The following NPLOC4 variants were observed in gnomAD, a reference collection of about 807,000 sequenced individuals.
NPLOC4 encodes the protein NPL4 homolog, ubiquitin recognition factor, also known as nuclear protein localization protein 4 homolog.
NPLOC4 carries 18 observed loss-of-function variants against 80.6 expected under a neutral mutation model. The observed-to-expected ratio is 0.22, with a 90% CI of 0.15 to 0.33. The LOEUF (loss-of-function observed/expected upper bound fraction) is 0.33, where lower values mean the gene tolerates loss of function less well. Among genes scored for constraint, NPLOC4 ranks in the 10% least tolerant of loss-of-function variants. The probability of loss-of-function intolerance (pLI) is 1.00; values close to 1 mark genes in which losing one functional copy is unlikely to be tolerated. For synonymous variants in NPLOC4, 313 were observed against 301.5 expected (o/e 1.04, Z -0.39); for missense variants, 540 against 786.1 (o/e 0.69, Z 3.74).
chr17:81,575,333 C>G (rs950968727), intron 12 of NPLOC4, among the ~76,000 whole-genome samples: 1 of 152,202 alleles, frequency 6.6e-6, no homozygotes, highest in African/African-American at 2.4e-5. Context: ...GATCTCCTGA[C>G]CTCATGATCC....
chr17:81,614,775 G>T lies in NPLOC4; in HGVS notation c.210-1281C>A, dbSNP rs569031811. On this transcript the variant is annotated intron_variant, in intron 3 of 16. Coordinates refer to ENST00000331134, the MANE Select transcript of NPLOC4 (RefSeq NM_017921.4). ...TCTCCACTCACAGTCCACAGAAGCC[G>T]CCTGGGGTCCCAAGTGACCAGAGAT... Among the ~76,000 whole-genome samples the T allele has an allele frequency of 5.9e-5, 9 of 152,290 alleles. No individual in the cohort carries two copies. In the South Asian group the frequency reaches 1.0e-3, roughly 18 times the overall value.
Position 81,610,966 on chromosome 17 carries a change from A to G in NPLOC4, c.387-708T>C, listed in dbSNP as rs2144244636. 5.8e-5 allele frequency among the ~76,000 whole-genome samples: 2 copies of G among 34,568 alleles called. 1 individual carries two copies. The highest frequency in any genetic ancestry group is 6.5e-4 in the East Asian group (2 of 3,094). 22.7% of individuals were successfully genotyped at this position (34,568 alleles called of 152,430 possible). A position where few individuals can be genotyped will look rare whatever the true frequency, so the allele number is the denominator to read the frequency against. ...AGAGCGAGACTCCGTCTCAAAAAAAAAAAAAAAAAAAAAAATGACACAAAC... is the reference window on the plus strand; with the variant it reads ...AGAGCGAGACTCCGTCTCAAAAAAAGAAAAAAAAAAAAAAATGACACAAAC... On this transcript the variant is annotated intron_variant, in intron 4 of 16. Coordinates refer to ENST00000331134, the MANE Select transcript of NPLOC4 (RefSeq NM_017921.4).
chr17:81,588,313 T>G (rs1197162367), intron 12 of NPLOC4: 1 of 152,198 alleles, frequency 6.6e-6, no homozygotes, highest in Non-Finnish European at 1.5e-5. Context: ...TAGCTGCAAT[T>G]GGCAGGATTC....
At chr17:81,626,271 G>A (rs765223607) in intron 2 of NPLOC4, among the ~76,000 whole-genome samples, 79 of 150,460 alleles carry the variant, frequency 5.3e-4, no homozygotes, top group Admixed American at 6.0e-4. Context: ...AGCCAAGATC[G>A]CGCCACTGCA....
chr17:81,616,769 G>C (rs2035504801), intron 3 of NPLOC4, among the ~76,000 whole-genome samples: 1 of 151,910 alleles, frequency 6.6e-6, no homozygotes, highest in African/African-American at 2.4e-5. Flanking sequence ...ACGCAAGTAA[G>C]AGTGGGCAGA....
chr17:81,600,866 C>G (rs1443372592), intron 8 of NPLOC4, among the ~76,000 whole-genome samples: 1 of 152,178 alleles, frequency 6.6e-6, no homozygotes, highest in Non-Finnish European at 1.5e-5. Flanking sequence ...CACAAAACAG[C>G]CTTGGAAAAT....
intron 3 of NPLOC4, among the ~76,000 whole-genome samples, chr17:81,620,731 G>A (rs2035641306): frequency 6.6e-6 from 1 of 152,210 alleles, no homozygotes; most frequent in African/African-American, 2.4e-5. Context: ...AGGAGGGCAA[G>A]AGCAGCGGGA....
chr17:81,586,119 G>T lies in NPLOC4; in HGVS notation c.1281+2825C>A, dbSNP rs552796367. ...GCCCAACGGGGTAGGAGGGAGGAAG[G>T]GGAGGCAGGGGCCTGAATCCAAACC... is the stretch of plus-strand genomic sequence containing the variant. On this transcript the variant is annotated intron_variant, in intron 12 of 16. Coordinates refer to ENST00000331134, the MANE Select transcript of NPLOC4 (RefSeq NM_017921.4). 2.2e-3 allele frequency among the ~76,000 whole-genome samples: 338 copies of T among 152,256 alleles called. 5 individuals are homozygous for T. Among genetic ancestry groups the T allele is most frequent in the Non-Finnish European group, 5.0e-4 (34 of 68,016 alleles).
In NPLOC4 at chr17:81,557,896, A is replaced by C. The variant is rs1458170402; in HGVS notation, c.*1363T>G. 1 of 152,294 alleles carries C rather than the reference A, an allele frequency of 6.6e-6. No homozygotes were observed. Among genetic ancestry groups the C allele is most frequent in the Non-Finnish European group, 1.5e-5 (1 of 68,106 alleles). The allele number at this position is 152,294 out of a possible 1,614,324, so 9.4% of individuals were successfully genotyped here. ...CAGCCATGGCCCTGACCACTTCAGA[A>C]GCCAACAGGCAAATGTTCTCTGTTC... On this transcript the variant is annotated 3_prime_UTR_variant, in exon 17 of 17. Coordinates refer to ENST00000331134, the MANE Select transcript of NPLOC4 (RefSeq NM_017921.4).
chr17:81,600,283 C>G, intron 9 of NPLOC4, 58 bp downstream of exon 9: 2 of 1,297,330 alleles, frequency 1.5e-6, no homozygotes, highest in Non-Finnish European at 2.2e-6. Flanking sequence ...TCCCCCTGGC[C>G]TGGATGCCCA....
chr17:81,583,424 G>A (rs985429943), intron 12 of NPLOC4, among the ~76,000 whole-genome samples: 2 of 152,234 alleles, frequency 1.3e-5, no homozygotes, highest in Admixed American at 6.5e-5. Flanking sequence ...TCTACCAGAT[G>A]CAAAGAGTAG....
Position 81,572,935 on chromosome 17 carries a change from C to A in NPLOC4, c.1282-847G>T, listed in dbSNP as rs1405578360. Reference sequence around the variant, plus strand: ...ATATGAAGACACGGGAACCCCACACCAATCTGTCAAAGTCTCAACTTGTTT... The same window carrying A: ...ATATGAAGACACGGGAACCCCACACAAATCTGTCAAAGTCTCAACTTGTTT... On this transcript the variant is annotated intron_variant, in intron 12 of 16. Transcript: ENST00000331134. This position sits in a 1 kb window ranked among gnomAD's most constrained non-coding sequence, Gnocchi z 4.5. Among the ~76,000 whole-genome samples, 1 of 152,182 alleles carries A rather than the reference C, an allele frequency of 6.6e-6. No individual in the cohort carries two copies. Among genetic ancestry groups the A allele is most frequent in the Non-Finnish European group, 1.5e-5 (1 of 68,040 alleles).
chr17:81,623,574 G>A (rs542946339), intron 2 of NPLOC4, among the ~76,000 whole-genome samples: 85 of 151,876 alleles, frequency 5.6e-4, no homozygotes, highest in Middle Eastern at 3.4e-3. Context: ...CGAGGCAGGC[G>A]GATCATGAGG....
chr17:81,624,192 G>A (rs1402112881), intron 2 of NPLOC4, among the ~76,000 whole-genome samples: 1 of 151,822 alleles, frequency 6.6e-6, no homozygotes, highest in Non-Finnish European at 1.5e-5. Context: ...AGGCCGAGGT[G>A]GGCGGATCAC....
At chr17:81,628,488 G>C (rs1301352712) in intron 2 of NPLOC4, among the ~76,000 whole-genome samples, 1 of 151,974 alleles carries the variant, frequency 6.6e-6, no homozygotes, top group African/African-American at 2.4e-5. Context: ...ACTCCAGCCT[G>C]GGCAACAGAG....
chr17:81,631,461 T>G (rs138045712), intron 1 of NPLOC4, among the ~76,000 whole-genome samples: 1 of 45,784 alleles, frequency 2.2e-5, no homozygotes, highest in African/African-American at 1.0e-4. Context: ...TTTTTTTTTT[T>G]TCCCCCACGG....
intron 14 of NPLOC4, among the ~76,000 whole-genome samples, chr17:81,568,593 G>A (rs1360654998): frequency 2.6e-5 from 4 of 152,176 alleles, no homozygotes; most frequent in Admixed American, 6.5e-5. Flanking sequence ...AGGCCAACAC[G>A]GGAGCCACGC....
chr17:81,635,600 GCTCA>G (rs1304158383), intron 1 of NPLOC4, among the ~76,000 whole-genome samples: 6 of 152,122 alleles, frequency 3.9e-5, no homozygotes, highest in Non-Finnish European at 5.9e-5. Context: ...CGCCACCTAG[GCTCA>G]CTATGTTGTC....
intron 12 of NPLOC4, among the ~76,000 whole-genome samples, chr17:81,574,678 A>C (rs192630693): frequency 6.6e-6 from 1 of 152,266 alleles, no homozygotes; most frequent in Admixed American, 6.5e-5. Context: ...AGGTCTTGAC[A>C]CCAAGAGAAA....
Sources: allele counts gnomAD v4.1 joint callset (sites outside exome capture counted in the v4.1 genomes callset), GRCh38; gene constraint gnomAD v4.1.1; non-coding constraint Gnocchi (gnomAD v3.1); transcripts MANE v1.5; gene names NCBI Gene and HGNC (gene_info 2026-07-23, HGNC 2026-07-21).